Variants in TMEM221 observed in about 807,000 individuals in gnomAD.
TMEM221 encodes transmembrane protein 221, also known as Putative transmembrane protein ENSP00000342162.
TMEM221 carries 11 observed loss-of-function variants against 10.2 expected under a neutral mutation model. The ratio of observed to expected loss-of-function variants is 1.08; its 90% CI spans 0.68 to 1.79. TMEM221 has a LOEUF of 1.79. TMEM221 is among the 40% of genes most tolerant of loss of function. The probability of loss-of-function intolerance (pLI) is 0.00; values close to 1 mark genes in which losing one functional copy is unlikely to be tolerated. For missense variants in TMEM221, 382 were observed against 417.7 expected (o/e 0.91, Z 0.75); for synonymous variants, 172 against 199.8 (o/e 0.86, Z 1.18).
chr19:17,443,903 A>T (rs73517974), intron 2 of TMEM221, among the ~76,000 whole-genome samples: 6,968 of 151,964 alleles, frequency 0.046, 470 homozygotes, highest in African/African-American at 0.15. Flanking sequence ...GATGGATGAA[A>T]GAAAGTTGAT....
At chr19:17,441,211 GA>G (rs569733675) in intron 2 of TMEM221, among the ~76,000 whole-genome samples, 1,618 of 51,756 alleles carry the variant, frequency 0.031, 29 homozygotes, top group African/African-American at 0.074. Context: ...CCATCTCAGA[GA>G]AAAAAAAAAA....
At chr19:17,437,911 GTTC>G (rs1306444998) in intron 2 of TMEM221, among the ~76,000 whole-genome samples, 2 of 112,262 alleles carry the variant, frequency 1.8e-5, no homozygotes, top group East Asian at 4.2e-4. Context: ...TCTTGTTCTT[GTTC>G]TTGTTCTTCT....
intron 2 of TMEM221, chr19:17,444,824 T>C (rs1246298091): frequency 1.4e-5 from 2 of 143,926 alleles, no homozygotes; most frequent in African/African-American, 5.1e-5. Context: ...TTTTTTTTTT[T>C]TGTAGAGATG....
At chr19:17,442,458 T>A (rs1171547485) in intron 2 of TMEM221, among the ~76,000 whole-genome samples, 2 of 141,526 alleles carry the variant, frequency 1.4e-5, no homozygotes, top group African/African-American at 5.2e-5. Flanking sequence ...TTTTTTTTTT[T>A]AGATGGCATC....
chr19:17,443,667 G>T (rs2074940826), intron 2 of TMEM221, among the ~76,000 whole-genome samples: 1 of 151,672 alleles, frequency 6.6e-6, no homozygotes, highest in Admixed American at 6.6e-5. Context: ...ATTTTCTGTG[G>T]TGGGACTATG....
Position 17,448,296 on chromosome 19 carries a change from C to A in TMEM221, c.167G>T (p.Gly56Val). The change falls in exon 1 of 3, where the codon GGC (glycine) becomes GTC (valine). Residue 56 changes from glycine (G) to valine (V), a missense_variant. Gly to Val is a moderately radical substitution (Grantham distance 109). Transcript: ENST00000341130. The surrounding 1 kb of genome is among the most constrained non-coding windows in gnomAD (Gnocchi z 4.7). ...AEGLGQELGA[G>V]PGLPEDAAGT... The stretch of plus-strand genomic sequence containing the variant: ...GGCCGCGTCCTCTGGCAGCCCGGGG[C>A]CGGCGCCCAGCTCCTGGCCCAGCCC... The A allele has an allele frequency of 8.2e-7, 1 of 1,215,342 alleles. No homozygotes were observed. 75.3% of individuals were successfully genotyped at this position (1,215,342 alleles called of 1,614,324 possible).
In TMEM221 at chr19:17,436,904, G is replaced by C; in HGVS notation, c.430C>G (p.Leu144Val). ...LAALSIYALLLFEIETGAAAA... is the reference protein window; with the variant it reads ...LAALSIYALLVFEIETGAAAA... ...GCTGCGCCTGTCTCGATCTCGAAAA[G>C]TAGCAAGGCATAGATGGACAGTGCT... Residue 144 changes from leucine (L) to valine (V), a missense_variant, in exon 3 of 3, where the codon CTT (leucine) becomes GTT (valine). Transcript: ENST00000341130. 1 of 1,430,038 alleles carries C rather than the reference G, an allele frequency of 7.0e-7. No homozygotes were observed. Among genetic ancestry groups the C allele is most frequent in the African/African-American group, 1.4e-5 (1 of 69,880 alleles). 88.6% of individuals were successfully genotyped at this position (1,430,038 alleles called of 1,614,324 possible).
rs549194458 is a variant in TMEM221, at chr19:17,436,888, G to A, written c.446C>T (p.Thr149Ile). 2.8e-6 allele frequency: 4 copies of A among 1,435,178 alleles called. No homozygotes were observed. In the African/African-American group the frequency reaches 4.3e-5, roughly 15 times the overall value. The allele number at this position is 1,435,178 out of a possible 1,614,324, so 88.9% of individuals were successfully genotyped here. A position where few individuals can be genotyped will look rare whatever the true frequency, so the allele number is the denominator to read the frequency against. Residue 149 changes from threonine (T) to isoleucine (I), a missense_variant, in exon 3 of 3, where the codon ACA becomes ATA. Transcript: ENST00000341130. ...GAGGATGGAAGCAGCTGCTGCGCCT[G>A]TCTCGATCTCGAAAAGTAGCAAGGC... ...IYALLLFEIE[T>I]GAAAASILGS...
intron 2 of TMEM221, among the ~76,000 whole-genome samples, chr19:17,441,845 G>T (rs67122946): frequency 0.019 from 1,091 of 58,408 alleles, 5 homozygotes; most frequent in Non-Finnish European, 0.029. Flanking sequence ...TTTTTTTTTT[G>T]GCTGGAAACA....
At chr19:17,441,211 G>GGAA (rs758451730) in intron 2 of TMEM221, among the ~76,000 whole-genome samples, 1 of 51,782 alleles carries the variant, frequency 1.9e-5, no homozygotes, top group Non-Finnish European at 5.0e-5. Flanking sequence ...CCATCTCAGA[G>GGAA]AAAAAAAAAA....
chr19:17,441,218 A>G (rs1328759538), intron 2 of TMEM221, among the ~76,000 whole-genome samples: 1 of 151,198 alleles, frequency 6.6e-6, no homozygotes. Context: ...AGAGAAAAAA[A>G]AAAAAAAAAA....
intron 2 of TMEM221, among the ~76,000 whole-genome samples, chr19:17,440,401 A>ATT: frequency 1.3e-5 from 2 of 151,882 alleles, no homozygotes; most frequent in East Asian, 2.0e-4. Context: ...TAATTTTTGT[A>ATT]TTTTTAGTAG....
In TMEM221 at chr19:17,436,187, A is replaced by C; in HGVS notation, c.*271T>G. On this transcript the variant is annotated 3_prime_UTR_variant, in exon 3 of 3. Coordinates refer to ENST00000341130, the MANE Select transcript of TMEM221 (RefSeq NM_001190844.2). Reference sequence around the variant, plus strand: ...ATGGCCATTTCGCTCTGTTCTGGCCAGTGGGATATAAAAAGAAGGGTTTCG... The same window carrying C: ...ATGGCCATTTCGCTCTGTTCTGGCCCGTGGGATATAAAAAGAAGGGTTTCG... 2.4e-6 allele frequency: 1 copy of C among 418,822 alleles called. No individual in the cohort carries two copies. Among genetic ancestry groups the C allele is most frequent in the Non-Finnish European group, 4.3e-6 (1 of 233,376 alleles). 25.9% of individuals were successfully genotyped at this position (418,822 alleles called of 1,614,324 possible).
At chr19:17,446,152 C>T (rs2074952429) in intron 1 of TMEM221, among the ~76,000 whole-genome samples, 1 of 151,764 alleles carries the variant, frequency 6.6e-6, no homozygotes, top group Non-Finnish European at 1.5e-5. Flanking sequence ...ATCCACTGGT[C>T]ATCCATCTTC....
Position 17,439,426 on chromosome 19 carries a change from G to A in TMEM221, c.407-2499C>T, listed in dbSNP as rs1358048344. On this transcript the variant is annotated intron_variant, in intron 2 of 2. Transcript: ENST00000341130. The stretch of plus-strand genomic sequence containing the variant: ...ATCCTGGCCGGGCGCAGTGGCTCAT[G>A]CTTGTAATCCCAGCACTTTGGGAGG... Among the ~76,000 whole-genome samples the A allele has an allele frequency of 4.0e-5, 6 of 151,676 alleles. No individual in the cohort carries two copies. In the South Asian group the frequency reaches 6.3e-4, roughly 16 times the overall value.
Position 17,436,958 on chromosome 19 carries a change from G to T in TMEM221, c.407-31C>A, listed in dbSNP as rs1157902195. The T allele has an allele frequency of 7.3e-6, 10 of 1,370,364 alleles. No homozygotes were observed. The Admixed American group carries it at 3.3e-4, about 46-fold the overall frequency. The allele number at this position is 1,370,364 out of a possible 1,614,324, so 84.9% of individuals were successfully genotyped here. A position where few individuals can be genotyped will look rare whatever the true frequency, so the allele number is the denominator to read the frequency against. On this transcript the variant is annotated intron_variant, in intron 2 of 2. Transcript: ENST00000341130. ...GAAGGAAACGACTCTCATTTATTCA[G>T]TCAACAAACATTTGCCCTCCAAGCC... is the stretch of plus-strand genomic sequence containing the variant.
chr19:17,439,556 C>T (rs979505405), intron 2 of TMEM221, among the ~76,000 whole-genome samples: 21 of 151,916 alleles, frequency 1.4e-4, no homozygotes, highest in African/African-American at 5.1e-4. Flanking sequence ...GGTGTGGTGG[C>T]ACGTGCCTGT....
Position 17,436,323 on chromosome 19 carries a change from G to T in TMEM221, c.*135C>A. On this transcript the variant is annotated 3_prime_UTR_variant, in exon 3 of 3. Coordinates refer to ENST00000341130, the MANE Select transcript of TMEM221 (RefSeq NM_001190844.2). ...TCTGGCAATTATTTTGTGCCACGAG[G>T]CAACCTTGAGGACAAAAGCCAAGGA... The T allele has an allele frequency of 1.1e-6, 1 of 885,694 alleles. No individual in the cohort carries two copies. Among genetic ancestry groups the T allele is most frequent in the Non-Finnish European group, 1.6e-6 (1 of 617,340 alleles). The allele number at this position is 885,694 out of a possible 1,614,324, so 54.9% of individuals were successfully genotyped here.
chr19:17,444,373 G>A (rs1483921477), intron 2 of TMEM221, among the ~76,000 whole-genome samples: 1 of 151,770 alleles, frequency 6.6e-6, no homozygotes, highest in Non-Finnish European at 1.5e-5. Flanking sequence ...GTGAGCCACT[G>A]CGCCTGGCCA....
Sources: allele counts gnomAD v4.1 joint callset (sites outside exome capture counted in the v4.1 genomes callset), GRCh38; gene constraint gnomAD v4.1.1; non-coding constraint Gnocchi (gnomAD v3.1); transcripts MANE v1.5; gene names NCBI Gene and HGNC (gene_info 2026-07-23, HGNC 2026-07-21).